The following CRTC1 variants were observed in gnomAD, a reference collection of about 807,000 sequenced individuals.
CRTC1 encodes the protein CREB regulated transcription coactivator 1.
CRTC1 carries 18 observed loss-of-function variants against 66.1 expected under a neutral mutation model. That is an observed-to-expected ratio of 0.27 (90% CI 0.19 to 0.40). CRTC1 has a LOEUF of 0.40. Ranked by LOEUF, CRTC1 falls within the 10% of genes least tolerant of loss-of-function variation. CRTC1 has a pLI of 1.00. For synonymous variants in CRTC1, 416 were observed against 398.8 expected (o/e 1.04, Z -0.51); for missense variants, 669 against 887.9 (o/e 0.75, Z 3.13).
intron 1 of CRTC1, among the ~76,000 whole-genome samples, chr19:18,735,801 G>A (rs980834825): frequency 1.3e-5 from 2 of 152,208 alleles, no homozygotes; most frequent in Non-Finnish European, 2.9e-5. Context: ...GTCCACGGCC[G>A]CACAGTGGCT....
intron 10 of CRTC1, among the ~76,000 whole-genome samples, chr19:18,770,680 T>C (rs555936430): frequency 6.6e-5 from 10 of 151,892 alleles, no homozygotes; most frequent in Non-Finnish European, 1.5e-4. Context: ...CATGCGTGGG[T>C]ATGTACATTT....
At chr19:18,729,818 C>T (rs1181340679) in intron 1 of CRTC1, among the ~76,000 whole-genome samples, 1 of 152,300 alleles carries the variant, frequency 6.6e-6, no homozygotes, top group East Asian at 1.9e-4. Context: ...AGCCCCGCAG[C>T]CCTGTGGCCT....
intron 1 of CRTC1, among the ~76,000 whole-genome samples, chr19:18,712,558 C>T (rs984792239): frequency 2.0e-5 from 3 of 152,198 alleles, no homozygotes; most frequent in Non-Finnish European, 4.4e-5. Context: ...CCATACCCAG[C>T]CCTAATTAGC....
In CRTC1 at chr19:18,718,619, A is replaced by G. The variant is rs1388128715; in HGVS notation, c.127-24291A>G. 1.3e-5 allele frequency among the ~76,000 whole-genome samples: 2 copies of G among 151,948 alleles called. 1 individual carries two copies. The highest frequency in any genetic ancestry group is 4.8e-5 in the African/African-American group (2 of 41,336). Reference sequence around the variant, plus strand: ...CCGCCTCCCAAAGTGCTGGGATTACAAGTGTGAGCCACCGTGCCCAGCCTT... The same window carrying G: ...CCGCCTCCCAAAGTGCTGGGATTACGAGTGTGAGCCACCGTGCCCAGCCTT... On this transcript the variant is annotated intron_variant, in intron 1 of 13. Coordinates refer to ENST00000321949, the MANE Select transcript of CRTC1 (RefSeq NM_015321.3).
chr19:18,747,395 G>C (rs1159567447), intron 4 of CRTC1, among the ~76,000 whole-genome samples: 1 of 151,950 alleles, frequency 6.6e-6, no homozygotes, highest in Non-Finnish European at 1.5e-5. Context: ...TCAGCACTTT[G>C]GGGGGCCGAG....
At chr19:18,727,775 G>A (rs1439558795) in intron 1 of CRTC1, among the ~76,000 whole-genome samples, 1 of 151,970 alleles carries the variant, frequency 6.6e-6, no homozygotes, top group Non-Finnish European at 1.5e-5. Flanking sequence ...AGGCTGAAGT[G>A]CAGTGGCACA....
At chr19:18,733,963 G>A (rs915672207) in intron 1 of CRTC1, among the ~76,000 whole-genome samples, 5 of 152,094 alleles carry the variant, frequency 3.3e-5, no homozygotes, top group Admixed American at 2.0e-4. Context: ...ACAAAAATTC[G>A]CCGGGCATGG....
chr19:18,721,999 G>A (rs1256789816), intron 1 of CRTC1, among the ~76,000 whole-genome samples: 1 of 152,202 alleles, frequency 6.6e-6, no homozygotes, highest in African/African-American at 2.4e-5. Context: ...TCCAGCACAT[G>A]GGAGTACCTA....
intron 1 of CRTC1, among the ~76,000 whole-genome samples, chr19:18,697,929 G>C (rs1051501158): frequency 3.9e-5 from 6 of 152,396 alleles, no homozygotes; most frequent in Admixed American, 3.9e-4. Context: ...TAGGTGCCCA[G>C]TAGATGCTCA....
At chr19:18,728,250 G>T (rs2053805047) in intron 1 of CRTC1, among the ~76,000 whole-genome samples, 1 of 152,138 alleles carries the variant, frequency 6.6e-6, no homozygotes, top group African/African-American at 2.4e-5. Flanking sequence ...TCCCGTCCCG[G>T]CCCATCTCTG....
intron 1 of CRTC1, among the ~76,000 whole-genome samples, chr19:18,737,518 A>G (rs1415186285): frequency 6.6e-6 from 1 of 152,034 alleles, no homozygotes. Context: ...CCATCTGGAG[A>G]GTGGCATGTA....
intron 1 of CRTC1, among the ~76,000 whole-genome samples, chr19:18,684,582 G>C (rs568463896): frequency 6.6e-6 from 1 of 152,236 alleles, no homozygotes; most frequent in Non-Finnish European, 1.5e-5. Context: ...GGAACTTGGA[G>C]TGGAGACAGC....
At chr19:18,748,811 A>T (rs756516603) in intron 4 of CRTC1, among the ~76,000 whole-genome samples, 8 of 152,004 alleles carry the variant, frequency 5.3e-5, no homozygotes, top group Non-Finnish European at 1.2e-4. Context: ...CAAAATATAT[A>T]TGTATACTAC....
intron 1 of CRTC1, among the ~76,000 whole-genome samples, chr19:18,723,316 G>A (rs950630079): frequency 5.3e-5 from 8 of 152,178 alleles, no homozygotes; most frequent in Middle Eastern, 3.2e-3. Flanking sequence ...TTGTCTTTCG[G>A]ATGTTGTTAA....
chr19:18,756,972 G>A (rs953224249), intron 6 of CRTC1, among the ~76,000 whole-genome samples: 13 of 152,138 alleles, frequency 8.5e-5, no homozygotes, highest in East Asian at 5.8e-4. Context: ...CCATTCAGCC[G>A]GCGTTCTCCA....
chr19:18,694,237 G>T (rs1293512500), intron 1 of CRTC1, among the ~76,000 whole-genome samples: 1 of 148,464 alleles, frequency 6.7e-6, no homozygotes, highest in African/African-American at 2.5e-5. Context: ...GGAGCTTGAG[G>T]CTGCAGTGAA....
chr19:18,768,934 CG>C lies in CRTC1; in HGVS notation c.1320+145del, dbSNP rs1251082540. ...AACGCTGCCTGGGCCCACCTCTCCA[CG>C]GGGCTACCCCTTGGAATCAAACTGA... is the stretch of plus-strand genomic sequence containing the variant. On this transcript the variant is annotated intron_variant, in intron 10 of 13. Transcript: ENST00000321949. The surrounding 1 kb of genome is among the most constrained non-coding windows in gnomAD (Gnocchi z 5.6). 45 of 1,057,774 alleles carry C rather than the reference CG, an allele frequency of 4.3e-5. No individual in the cohort carries two copies. The highest frequency in any genetic ancestry group is 1.3e-5 in the Non-Finnish European group (10 of 752,476). The allele number at this position is 1,057,774 out of a possible 1,614,324, so 65.5% of individuals were successfully genotyped here. A position where few individuals can be genotyped will look rare whatever the true frequency, so the allele number is the denominator to read the frequency against.
intron 2 of CRTC1, among the ~76,000 whole-genome samples, chr19:18,745,343 G>A (rs952972130): frequency 3.3e-5 from 5 of 152,206 alleles, no homozygotes; most frequent in African/African-American, 1.2e-4. Context: ...GCTTGGCCAG[G>A]TGGGCCCCGA....
intron 6 of CRTC1, among the ~76,000 whole-genome samples, chr19:18,756,233 T>C (rs1168345346): frequency 2.8e-5 from 4 of 142,646 alleles, no homozygotes; most frequent in Non-Finnish European, 6.0e-5. Flanking sequence ...CTTGGGAGGT[T>C]GGGACAGGAG....
Sources: gnomAD v4.1 joint callset for allele counts (sites outside exome capture counted in the v4.1 genomes callset) on GRCh38, gnomAD v4.1.1 for gene constraint, Gnocchi (gnomAD v3.1) non-coding constraint, MANE v1.5 for transcripts, NCBI Gene and HGNC (gene_info 2026-07-23, HGNC 2026-07-21) for gene names.